SEMA3C: variants seen among roughly 807,000 people sequenced by gnomAD.
The protein encoded by SEMA3C is semaphorin 3C, also known as semaphorin-3C.
In SEMA3C, 47 loss-of-function variants were observed where a neutral mutation model predicts 89.4. That is an observed-to-expected ratio of 0.53 (90% CI 0.42 to 0.67). The LOEUF (loss-of-function observed/expected upper bound fraction) is 0.67. Among genes scored for constraint, SEMA3C ranks in the 30% least tolerant of loss-of-function variants. The pLI, the probability that SEMA3C is intolerant of heterozygous loss-of-function variation, is 0.00. For missense variants in SEMA3C, 839 were observed against 929.1 expected, an observed-to-expected ratio of 0.90 and a Z score of 1.26; for synonymous variants, 310 against 320.2, an observed-to-expected ratio of 0.97 and a Z score of 0.34.
At chr7:80,780,614 T>G (rs1021469639) in intron 12 of SEMA3C, among the ~76,000 whole-genome samples, 1 of 152,198 alleles carries the variant, frequency 6.6e-6, no homozygotes, top group Non-Finnish European at 1.5e-5. Flanking sequence ...CCAGGTGCAG[T>G]GACTCATGCC....
intron 7 of SEMA3C, among the ~76,000 whole-genome samples, chr7:80,805,209 C>T (rs1400445458): frequency 2.0e-5 from 3 of 151,940 alleles, no homozygotes; most frequent in Non-Finnish European, 4.4e-5. Context: ...AGAGAGGAGG[C>T]CCCGGCTATA....
intron 2 of SEMA3C, among the ~76,000 whole-genome samples, chr7:80,900,401 C>A (rs1044548344): frequency 6.6e-6 from 1 of 152,188 alleles, no homozygotes; most frequent in African/African-American, 2.4e-5. Flanking sequence ...GCATGAGCCA[C>A]CATGCCCAAC....
intron 15 of SEMA3C, among the ~76,000 whole-genome samples, chr7:80,751,602 A>G (rs905011604): frequency 6.6e-6 from 1 of 152,170 alleles, no homozygotes; most frequent in Non-Finnish European, 1.5e-5. Context: ...CGCCTGCTGC[A>G]TGCATATCCT....
At chr7:80,800,709 C>T in intron 10 of SEMA3C, 48 bp downstream of exon 10, 1 of 1,113,274 alleles carries the variant, frequency 9.0e-7, no homozygotes, top group Non-Finnish European at 1.3e-6. Context: ...ACTGTTACTC[C>T]ATGAAGTTTA....
intron 17 of SEMA3C, among the ~76,000 whole-genome samples, chr7:80,745,856 T>G (rs1009315120): frequency 3.0e-4 from 46 of 152,132 alleles, no homozygotes; most frequent in African/African-American, 1.1e-3. Context: ...TCAAGGGCCT[T>G]TTTCAATTAT....
intron 2 of SEMA3C, among the ~76,000 whole-genome samples, chr7:80,894,291 T>G (rs1266224318): frequency 6.6e-6 from 1 of 151,470 alleles, no homozygotes; most frequent in Non-Finnish European, 1.5e-5. Context: ...TAGATCTGTA[T>G]ATTTGTAATT....
At chr7:80,890,809 C>A (rs1468032849) in intron 2 of SEMA3C, among the ~76,000 whole-genome samples, 1 of 152,176 alleles carries the variant, frequency 6.6e-6, no homozygotes, top group Non-Finnish European at 1.5e-5. Flanking sequence ...CTCCAACAGT[C>A]AAATGTGCTG....
Position 80,883,698 on chromosome 7 carries a change from A to C in SEMA3C, c.103+32981T>G, listed in dbSNP as rs573115505. 5.3e-5 allele frequency among the ~76,000 whole-genome samples: 8 copies of C among 152,316 alleles called. No homozygotes were observed. In the South Asian group the frequency reaches 1.4e-3, roughly 28 times the overall value. ...AAATGAAGGCTCACAATTTGCCCTA[A>C]GGCATGTTTCAAAAGCAGCTTTACA... On this transcript the variant is annotated intron_variant, in intron 2 of 17. Transcript: ENST00000265361.
At chr7:80,916,560 G>T in intron 2 of SEMA3C, 119 bp downstream of exon 2, 2 of 864,582 alleles carry the variant, frequency 2.3e-6, no homozygotes, top group Non-Finnish European at 3.3e-6. Context: ...ACGCAGCCCA[G>T]TAAATATTTT....
At chr7:80,911,344 T>C (rs1792143183) in intron 2 of SEMA3C, among the ~76,000 whole-genome samples, 1 of 152,172 alleles carries the variant, frequency 6.6e-6, no homozygotes, top group Non-Finnish European at 1.5e-5. Context: ...AAAACTATTT[T>C]AGAAACAAAG....
chr7:80,803,358 A>G (rs1789253737), intron 8 of SEMA3C, among the ~76,000 whole-genome samples: 1 of 152,204 alleles, frequency 6.6e-6, no homozygotes, highest in Admixed American at 6.6e-5. Flanking sequence ...TCCTGTGTCC[A>G]AAGGCCTTTT....
intron 2 of SEMA3C, among the ~76,000 whole-genome samples, chr7:80,850,586 T>G (rs551563189): frequency 1.3e-5 from 2 of 152,260 alleles, no homozygotes; most frequent in Non-Finnish European, 2.9e-5. Context: ...GAAGTAATCC[T>G]GGTGGTTATA....
upstream of SEMA3C, chr7:80,919,056 G>T (rs1465134213): frequency 1.0e-6 from 1 of 985,190 alleles, no homozygotes; most frequent in Admixed American, 6.2e-5. Context: ...CGGAGTGAAT[G>T]GAAAGTGGCC....
chr7:80,767,794 A>C (rs1253592231), intron 12 of SEMA3C, among the ~76,000 whole-genome samples: 1 of 152,174 alleles, frequency 6.6e-6, no homozygotes, highest in African/African-American at 2.4e-5. Context: ...TAATACTATA[A>C]ATTTCAAATC....
chr7:80,869,223 TC>T (rs928410540), intron 2 of SEMA3C, among the ~76,000 whole-genome samples: 5 of 152,186 alleles, frequency 3.3e-5, no homozygotes, highest in Admixed American at 1.3e-4. Context: ...TTGTAAGTGA[TC>T]ACTTATGAAT....
chr7:80,813,427 T>G (rs1789517745), intron 5 of SEMA3C, among the ~76,000 whole-genome samples: 1 of 152,206 alleles, frequency 6.6e-6, no homozygotes, highest in Non-Finnish European at 1.5e-5. Flanking sequence ...CAAATCCTGA[T>G]TTTTCTGATC....
At chr7:80,766,073 G>A (rs540279238) in intron 12 of SEMA3C, among the ~76,000 whole-genome samples, 2 of 152,244 alleles carry the variant, frequency 1.3e-5, no homozygotes, top group East Asian at 3.9e-4. Context: ...AACTGTGATG[G>A]ACTTTCGACA....
intron 15 of SEMA3C, among the ~76,000 whole-genome samples, chr7:80,756,354 T>A (rs1262572638): frequency 6.6e-6 from 1 of 151,952 alleles, no homozygotes; most frequent in Admixed American, 6.6e-5. Flanking sequence ...TCCTTTATTA[T>A]CCCTCTACAA....
chr7:80,800,800 T>C lies in SEMA3C; in HGVS notation c.943A>G (p.Asn315Asp), dbSNP rs777235123. 2.0e-6 allele frequency: 3 copies of C among 1,518,564 alleles called. No homozygotes were observed. Among genetic ancestry groups the C allele is most frequent in the African/African-American group, 2.9e-5 (2 of 68,634 alleles). 94.1% of individuals were successfully genotyped at this position (1,518,564 alleles called of 1,614,324 possible). A position where few individuals can be genotyped will look rare whatever the true frequency, so the allele number is the denominator to read the frequency against. Residue 315 changes from asparagine (N) to aspartate (D), a missense_variant, in exon 10 of 18, where the codon AAC (asparagine) becomes GAC (aspartate). Asn to Asp is a conservative substitution (Grantham distance 23). Transcript: ENST00000265361. Reference sequence around the variant, plus strand: ...CCATACACTAGTGTTGTCCTCGGGTTATCAGTTTCCAGCAGAAACACATCC... The same window carrying C: ...CCATACACTAGTGTTGTCCTCGGGTCATCAGTTTCCAGCAGAAACACATCC... ...LEDVFLLETDNPRTTLVYGIF... is the reference protein window; with the variant it reads ...LEDVFLLETDDPRTTLVYGIF...
Sources: gnomAD v4.1 joint callset for allele counts (sites outside exome capture counted in the v4.1 genomes callset) on GRCh38, gnomAD v4.1.1 for gene constraint, MANE v1.5 for transcripts, NCBI Gene and HGNC (gene_info 2026-07-23, HGNC 2026-07-21) for gene names.